ADAMTS18: variants seen among roughly 807,000 people sequenced by gnomAD.
ADAMTS18 encodes the protein A disintegrin and metalloproteinase with thrombospondin motifs 18.
ADAMTS18 carries 157 observed loss-of-function variants against 165.9 expected under a neutral mutation model. The ratio of observed to expected loss-of-function variants is 0.95; its 90% CI spans 0.83 to 1.08. ADAMTS18 has a LOEUF of 1.08. Ranked by LOEUF, ADAMTS18 falls within the 50% of genes least tolerant of loss-of-function variation. The pLI, the probability that ADAMTS18 is intolerant of heterozygous loss-of-function variation, is 0.00. For missense variants in ADAMTS18, 2,040 were observed against 1,534.0 expected (o/e 1.33, Z -5.51); for synonymous variants, 782 against 578.2 (o/e 1.35, Z -5.06).
At chr16:77,358,419 A>G (rs1442522546) in intron 8 of ADAMTS18, among the ~76,000 whole-genome samples, 1 of 152,098 alleles carries the variant, frequency 6.6e-6, no homozygotes, top group Non-Finnish European at 1.5e-5. Flanking sequence ...AAAATTAGCC[A>G]GGCATGGTAG....
At chr16:77,351,259 A>C (rs2056551591) in intron 10 of ADAMTS18, among the ~76,000 whole-genome samples, 1 of 152,018 alleles carries the variant, frequency 6.6e-6, no homozygotes, top group South Asian at 2.1e-4. Context: ...ATCTTAAATC[A>C]TTTCTCTCTT....
chr16:77,428,357 G>A (rs915891863), intron 3 of ADAMTS18, among the ~76,000 whole-genome samples: 1 of 152,106 alleles, frequency 6.6e-6, no homozygotes, highest in East Asian at 1.9e-4. Context: ...TTTCAGAGGA[G>A]TTATGAACCC....
intron 4 of ADAMTS18, 72 bp downstream of exon 4, chr16:77,367,369 C>T (rs964339157): frequency 2.5e-6 from 4 of 1,585,332 alleles, no homozygotes; most frequent in Middle Eastern, 2.2e-4. Context: ...AAAGCTTGTA[C>T]ACCCAACAGC....
intron 16 of ADAMTS18, among the ~76,000 whole-genome samples, chr16:77,300,983 T>C (rs2055571762): frequency 1.3e-5 from 2 of 152,194 alleles, no homozygotes; most frequent in South Asian, 2.1e-4. Context: ...GTTTCCAATA[T>C]ACTTTCCATA....
chr16:77,382,077 G>A (rs112484043), intron 3 of ADAMTS18, among the ~76,000 whole-genome samples: 5,628 of 152,176 alleles, frequency 0.037, 123 homozygotes, highest in South Asian at 0.057. Flanking sequence ...CAACAGCCGC[G>A]CCACATCCTG....
At chr16:77,304,693 G>A (rs1020748068) in intron 16 of ADAMTS18, among the ~76,000 whole-genome samples, 1 of 152,196 alleles carries the variant, frequency 6.6e-6, no homozygotes, top group African/African-American at 2.4e-5. Context: ...CAAAACTCAT[G>A]TATCTGGCCA....
rs1567481214 is a variant in ADAMTS18, at chr16:77,322,486, GA to G, written c.2033-21del. ...CTTCCTCTAGAAACAAAGAGATCAA[GA>G]TAGGAAATGGTCAAGAGGAAACTAA... On this transcript the variant is annotated intron_variant, in intron 13 of 22. Coordinates refer to ENST00000282849, the MANE Select transcript of ADAMTS18 (RefSeq NM_199355.4). 1.2e-6 allele frequency: 2 copies of G among 1,613,350 alleles called. No homozygotes were observed. Among genetic ancestry groups the G allele is most frequent in the South Asian group, 2.2e-5 (2 of 91,060 alleles).
intron 3 of ADAMTS18, among the ~76,000 whole-genome samples, chr16:77,382,273 C>T (rs528787304): frequency 9.9e-5 from 15 of 152,264 alleles, no homozygotes; most frequent in South Asian, 8.3e-4. Flanking sequence ...TGCAGTGGCG[C>T]GATCTCGGCT....
At chr16:77,367,878 C>T (rs995239187) in intron 3 of ADAMTS18, among the ~76,000 whole-genome samples, 155 bp from the exon 4 acceptor site, 17 of 152,214 alleles carry the variant, frequency 1.1e-4, no homozygotes, top group East Asian at 9.7e-4. Context: ...ACCATTACAA[C>T]GAGTTGCTAT....
At chr16:77,364,044 A>G in intron 5 of ADAMTS18, 144 bp downstream of exon 5, 1 of 1,276,594 alleles carries the variant, frequency 7.8e-7, no homozygotes, top group Non-Finnish European at 1.1e-6. Flanking sequence ...AAATAAAACC[A>G]CATATGTAGC....
chr16:77,296,988 C>A (rs912262232), intron 18 of ADAMTS18, among the ~76,000 whole-genome samples: 1 of 152,120 alleles, frequency 6.6e-6, no homozygotes, highest in Non-Finnish European at 1.5e-5. Flanking sequence ...AAAAAAATTT[C>A]TTTTAGAGAC....
chr16:77,289,767 C>T (rs1197498843), intron 21 of ADAMTS18, among the ~76,000 whole-genome samples: 1 of 152,142 alleles, frequency 6.6e-6, no homozygotes, highest in East Asian at 1.9e-4. Flanking sequence ...TAAAGAATTC[C>T]AGACAATCTG....
At chr16:77,334,548 G>C (rs2056258058) in intron 12 of ADAMTS18, among the ~76,000 whole-genome samples, 1 of 109,092 alleles carries the variant, frequency 9.2e-6, no homozygotes, top group African/African-American at 3.8e-5. Context: ...GGATATTATA[G>C]TATATATTAT....
intron 3 of ADAMTS18, among the ~76,000 whole-genome samples, chr16:77,415,921 T>A (rs1043579206): frequency 3.3e-5 from 5 of 152,102 alleles, no homozygotes; most frequent in African/African-American, 9.7e-5. Flanking sequence ...AACGTTTGAG[T>A]GCCTATTACT....
chr16:77,316,996 C>T (rs763452374), intron 16 of ADAMTS18, among the ~76,000 whole-genome samples: 7 of 152,028 alleles, frequency 4.6e-5, no homozygotes, highest in Admixed American at 6.6e-5. Context: ...TTGCTTCCTC[C>T]GCGTGAATTT....
chr16:77,283,662 G>A lies in ADAMTS18; in HGVS notation c.*294C>T, dbSNP rs996825481. 3.3e-5 allele frequency: 12 copies of A among 358,796 alleles called. No homozygotes were observed. The highest frequency in any genetic ancestry group is 1.9e-4 in the East Asian group (3 of 15,910). 22.2% of individuals were successfully genotyped at this position (358,796 alleles called of 1,614,324 possible). A position where few individuals can be genotyped will look rare whatever the true frequency, so the allele number is the denominator to read the frequency against. ...AAAGGGGGTCTCTCCCCAAATCGAC[G>A]TATCTCAGTGTGATTCACCACTTCT... is the stretch of plus-strand genomic sequence containing the variant. On this transcript the variant is annotated 3_prime_UTR_variant, in exon 23 of 23. Coordinates refer to ENST00000282849, the MANE Select transcript of ADAMTS18 (RefSeq NM_199355.4).
chr16:77,390,368 T>A (rs370136341), intron 3 of ADAMTS18, among the ~76,000 whole-genome samples: 3 of 136,294 alleles, frequency 2.2e-5, no homozygotes, highest in African/African-American at 8.2e-5. Flanking sequence ...AGAAGAGCCA[T>A]TGGTCTCACT....
intron 3 of ADAMTS18, among the ~76,000 whole-genome samples, chr16:77,375,577 T>C (rs1359938004): frequency 6.6e-6 from 1 of 152,038 alleles, no homozygotes; most frequent in Admixed American, 6.6e-5. Context: ...GAGACTGATG[T>C]CTCAGAGCTA....
intron 3 of ADAMTS18, among the ~76,000 whole-genome samples, chr16:77,397,447 A>C (rs1279308776): frequency 6.6e-6 from 1 of 152,226 alleles, no homozygotes; most frequent in Non-Finnish European, 1.5e-5. Flanking sequence ...TTATATTAAA[A>C]GAAAGAAATA....
Sources: allele counts gnomAD v4.1 joint callset (sites outside exome capture counted in the v4.1 genomes callset), GRCh38; gene constraint gnomAD v4.1.1; transcripts MANE v1.5; gene names NCBI Gene and HGNC (gene_info 2026-07-23, HGNC 2026-07-21).